The following WNK2 variants were observed in gnomAD, a reference collection of about 807,000 sequenced individuals.
WNK2 encodes serine/threonine-protein kinase WNK2.
Under a neutral mutation model 192.1 loss-of-function variants are expected in WNK2, and 67 were observed. That is an observed-to-expected ratio of 0.35 (90% CI 0.29 to 0.43). The LOEUF (loss-of-function observed/expected upper bound fraction) is 0.43. WNK2 is among the 20% of genes least tolerant of loss of function. WNK2 has a pLI of 1.00. For synonymous variants in WNK2, 1,439 were observed against 1,393.9 expected, an observed-to-expected ratio of 1.03 and a Z score of -0.72; for missense variants, 2,698 against 3,089.7, an observed-to-expected ratio of 0.87 and a Z score of 3.01.
At chr9:93,189,197 C>A (rs917461298) in intron 2 of WNK2, among the ~76,000 whole-genome samples, 2 of 152,150 alleles carry the variant, frequency 1.3e-5, no homozygotes, top group Admixed American at 6.5e-5. Flanking sequence ...AACACTGACG[C>A]CTCCCTGTCA....
At chr9:93,265,537 C>T (rs1163567110) in intron 16 of WNK2, among the ~76,000 whole-genome samples, 4 of 152,186 alleles carry the variant, frequency 2.6e-5, no homozygotes, top group Admixed American at 1.3e-4. Context: ...GCAGCTGGTT[C>T]GTCAGCGCAG....
chr9:93,272,063 C>G (rs1846073433), intron 19 of WNK2, among the ~76,000 whole-genome samples: 3 of 152,154 alleles, frequency 2.0e-5, no homozygotes, highest in African/African-American at 7.2e-5. Flanking sequence ...TAAGGCCATT[C>G]TCAAATAAAG....
chr9:93,258,526 G>A (rs1843671488), intron 11 of WNK2, among the ~76,000 whole-genome samples: 2 of 152,086 alleles, frequency 1.3e-5, no homozygotes, highest in Non-Finnish European at 2.9e-5. Flanking sequence ...AATGCTCCAG[G>A]GCTCTGAAGT....
intron 2 of WNK2, among the ~76,000 whole-genome samples, chr9:93,214,357 G>A (rs1391416392): frequency 6.6e-6 from 1 of 152,094 alleles, no homozygotes; most frequent in Non-Finnish European, 1.5e-5. Context: ...AGGCTGGAAT[G>A]CAGTGGCATG....
chr9:93,256,891 G>C, intron 10 of WNK2, 57 bp from the exon 11 acceptor site: 1 of 1,457,108 alleles, frequency 6.9e-7, no homozygotes, highest in Non-Finnish European at 9.1e-7. Context: ...TAACCAGTGG[G>C]GTGCGCTTGT....
At chr9:93,315,496 G>C (rs574837523) in intron 28 of WNK2, 21 of 152,204 alleles carry the variant, frequency 1.4e-4, no homozygotes, top group Admixed American at 1.2e-3. Flanking sequence ...ATTTTCTTTG[G>C]GGACATGGAC....
Position 93,239,811 on chromosome 9 carries a change from G to A in WNK2, c.1377G>A (p.Val459=), listed in dbSNP as rs760412441. 114 of 1,581,000 alleles carry A rather than the reference G, an allele frequency of 7.2e-5. 1 individual carries two copies. Among genetic ancestry groups the A allele is most frequent in the South Asian group, 5.9e-4 (51 of 86,248 alleles). The part of the protein sequence containing the change: ...SHAFFAEDTG[V]RVELAEEDHG... ...CCTTCTTCGCAGAGGACACAGGCGT[G>A]AGGGTGGAGCTCGCGGAGGAGGACC... is the stretch of plus-strand genomic sequence containing the variant. Residue 459 remains valine, a synonymous_variant, in exon 7 of 30, where the codon GTG becomes GTA. Transcript: ENST00000427277. The surrounding 1 kb of genome is among the most constrained non-coding windows in gnomAD (Gnocchi z 4.2).
intron 5 of WNK2, among the ~76,000 whole-genome samples, chr9:93,237,321 C>T (rs899344116): frequency 1.3e-5 from 2 of 152,054 alleles, no homozygotes; most frequent in Non-Finnish European, 2.9e-5. Context: ...GCATATGTGA[C>T]CTTGGTAGCA....
intron 23 of WNK2, among the ~76,000 whole-genome samples, chr9:93,296,525 G>T (rs1254823036): frequency 1.7e-4 from 1 of 6,014 alleles, no homozygotes; most frequent in Non-Finnish European, 2.8e-4. Context: ...TCCTCCCCTT[G>T]GCCTCCTCCC....
At chr9:93,187,125 A>G (rs147352329) in intron 2 of WNK2, among the ~76,000 whole-genome samples, 1,785 of 152,292 alleles carry the variant, frequency 0.012, 11 homozygotes, top group Non-Finnish European at 0.02. Context: ...TGGTGGATGG[A>G]ACAGGGGTGC....
At position 93,313,524 on chromosome 9, in the gene WNK2, T is replaced by C. The variant is rs140573533; in HGVS notation, c.6517-3996T>C. On this transcript the variant is annotated intron_variant, in intron 28 of 29. Transcript: ENST00000427277. Reference sequence around the variant, plus strand: ...CTTTATATTGCCTTGTCTTTTCTTGTGACTTTTTAAATATTCTGTGTAGGA... The same window carrying C: ...CTTTATATTGCCTTGTCTTTTCTTGCGACTTTTTAAATATTCTGTGTAGGA... Among the ~76,000 whole-genome samples the C allele has an allele frequency of 1.0e-3, 157 of 152,312 alleles. 3 individuals carry two copies. In the East Asian group the frequency reaches 0.026, roughly 26 times the overall value.
At position 93,259,561 on chromosome 9, in the gene WNK2, C is replaced by T. The variant is rs776341917; in HGVS notation, c.3013C>T (p.Leu1005Phe). The T allele has an allele frequency of 5.6e-6, 9 of 1,594,566 alleles. No individual in the cohort carries two copies. Among genetic ancestry groups the T allele is most frequent in the South Asian group, 5.6e-5 (5 of 90,046 alleles). The change falls in exon 12 of 30, where the codon CTC becomes TTC. Residue 1005 changes from leucine (L) to phenylalanine (F), a missense_variant. Transcript: ENST00000427277. This position sits in a 1 kb window ranked among gnomAD's most constrained non-coding sequence, Gnocchi z 4.8. Reference sequence around the variant, plus strand: ...GGCACTGCCTGTGCGCCCTGAGCCCCTCCAGCCCCACCTTCCTGAACAAGC... The same window carrying T: ...GGCACTGCCTGTGCGCCCTGAGCCCTTCCAGCCCCACCTTCCTGAACAAGC... ...QPALPVRPEP[L>F]QPHLPEQAAP...
At chr9:93,227,049 ACTC>A (rs1021790689) in intron 2 of WNK2, among the ~76,000 whole-genome samples, 5 of 150,166 alleles carry the variant, frequency 3.3e-5, no homozygotes, top group Non-Finnish European at 7.4e-5. Flanking sequence ...CGCCACCTGA[ACTC>A]CTGGTAGCAG....
At chr9:93,201,765 C>A (rs951634534) in intron 2 of WNK2, among the ~76,000 whole-genome samples, 1 of 152,194 alleles carries the variant, frequency 6.6e-6, no homozygotes, top group African/African-American at 2.4e-5. Context: ...GGCCTGTCAG[C>A]CTCTGTAAAT....
rs1430608653 is a variant in WNK2 at position 93,185,110 on chromosome 9, G to T, written c.181G>T (p.Glu61Ter). 1 of 1,310,348 alleles carries T rather than the reference G, an allele frequency of 7.6e-7. No individual in the cohort carries two copies. Among genetic ancestry groups the T allele is most frequent in the Non-Finnish European group, 9.8e-7 (1 of 1,024,692 alleles). The allele number at this position is 1,310,348 out of a possible 1,614,324, so 81.2% of individuals were successfully genotyped here. The change falls in exon 2 of 30, where the codon GAG becomes TAG. Residue 61 changes from glutamate to a stop codon, truncating the protein, a stop_gained. Coordinates refer to ENST00000427277, the MANE Select transcript of WNK2 (RefSeq NM_006648.4). LOFTEE classifies it high-confidence loss of function. ...QEEPPGLEAAEAPGPQPPQPL... is the reference protein window; with the variant it reads ...QEEPPGLEAA ...GGAGCCGCCGGGCTTGGAGGCAGCCGAGGCGCCGGGCCCGCAGCCCCCGCA... is the reference window on the plus strand; with the variant it reads ...GGAGCCGCCGGGCTTGGAGGCAGCCTAGGCGCCGGGCCCGCAGCCCCCGCA...
chr9:93,200,050 C>T (rs1045063962), intron 2 of WNK2, among the ~76,000 whole-genome samples: 5 of 152,108 alleles, frequency 3.3e-5, no homozygotes, highest in South Asian at 2.1e-4. Flanking sequence ...GCAGGCGTTG[C>T]GTGGGGATGC....
At chr9:93,318,348 T>G in intron 29 of WNK2, 1 of 1,593,660 alleles carries the variant, frequency 6.3e-7, no homozygotes, top group Non-Finnish European at 8.6e-7. Context: ...AGAGCTTCCA[T>G]TGCTAGGTGA....
chr9:93,207,752 C>T (rs563451832), intron 2 of WNK2, among the ~76,000 whole-genome samples: 10 of 152,374 alleles, frequency 6.6e-5, no homozygotes, highest in African/African-American at 2.4e-4. Flanking sequence ...GGGAGGCTCG[C>T]TTGCTGCCGG....
chr9:93,210,410 G>T (rs1834291574), intron 2 of WNK2, among the ~76,000 whole-genome samples: 1 of 152,142 alleles, frequency 6.6e-6, no homozygotes, highest in Admixed American at 6.5e-5. Flanking sequence ...CTGCCAGGCT[G>T]TGGAGTTGGG....
Sources: allele counts gnomAD v4.1 joint callset (sites outside exome capture counted in the v4.1 genomes callset), GRCh38; gene constraint gnomAD v4.1.1; non-coding constraint Gnocchi (gnomAD v3.1); transcripts MANE v1.5; gene names NCBI Gene and HGNC (gene_info 2026-07-23, HGNC 2026-07-21).